Variants in EXTL1 observed in about 807,000 individuals in gnomAD.
EXTL1 encodes exostosin-like 1.
In EXTL1, 43 loss-of-function variants were observed where a neutral mutation model predicts 64.6. The ratio of observed to expected loss-of-function variants is 0.67; its 90% CI spans 0.52 to 0.86. The LOEUF (loss-of-function observed/expected upper bound fraction) is 0.86. Ranked by LOEUF, EXTL1 falls within the 40% of genes least tolerant of loss-of-function variation. The pLI, the probability that EXTL1 is intolerant of heterozygous loss-of-function variation, is 0.00. For synonymous variants in EXTL1, 352 were observed against 360.5 expected (o/e 0.98, Z 0.27); for missense variants, 766 against 879.0 (o/e 0.87, Z 1.62).
Position 26,034,988 on chromosome 1 carries a change from A to C in EXTL1, c.1832A>C (p.Gln611Pro), listed in dbSNP as rs1412904153. 8.1e-6 allele frequency: 13 copies of C among 1,614,040 alleles called. No individual in the cohort carries two copies. The highest frequency in any genetic ancestry group is 1.7e-5 in the Admixed American group (1 of 60,012). The change falls in exon 10 of 11, where the codon CAG (glutamine) becomes CCG (proline). Residue 611 changes from glutamine to proline, a missense_variant. Coordinates refer to ENST00000374280, the MANE Select transcript of EXTL1 (RefSeq NM_004455.3). The surrounding 1 kb of genome is among the most constrained non-coding windows in gnomAD (Gnocchi z 4.6). ...AAGGTGCCCTATGGCAAGCAGCGCC[A>C]GGAGGCTGCTCCACTGGTGAGGGCT... ...PIKVPYGKQRQEAAPLAPGGP... is the reference protein window; with the variant it reads ...PIKVPYGKQRPEAAPLAPGGP...
Position 26,025,163 on chromosome 1 carries a change from C to T in EXTL1, c.779+1738C>T, listed in dbSNP as rs367962268. On this transcript the variant is annotated intron_variant, in intron 1 of 10. Transcript: ENST00000374280. The surrounding 1 kb of genome is among the most constrained non-coding windows in gnomAD (Gnocchi z 5.3). ...TTGAGCCTCAGTTTCTCCGAAGTGC[C>T]GGGCAGCTGCCTGGGCCAGACAGCC... Among the ~76,000 whole-genome samples, 2 of 152,166 alleles carry T rather than the reference C, an allele frequency of 1.3e-5. No homozygotes were observed. Among genetic ancestry groups the T allele is most frequent in the Non-Finnish European group, 2.9e-5 (2 of 68,016 alleles).
chr1:26,024,717 G>A lies in EXTL1; in HGVS notation c.779+1292G>A, dbSNP rs368277719. Reference sequence around the variant, plus strand: ...CAAGCCCCTGCAGCTCAGCGCTCAGGCAGAAGCTCACTTTGAGCGACAAGG... The same window carrying A: ...CAAGCCCCTGCAGCTCAGCGCTCAGACAGAAGCTCACTTTGAGCGACAAGG... On this transcript the variant is annotated intron_variant, in intron 1 of 10. Transcript: ENST00000374280. 5.3e-5 allele frequency among the ~76,000 whole-genome samples: 8 copies of A among 152,306 alleles called. No homozygotes were observed. In the South Asian group the frequency reaches 1.7e-3, roughly 32 times the overall value.
rs1300303078 is a variant in EXTL1 at position 26,022,974 on chromosome 1, A to G, written c.328A>G (p.Thr110Ala). ...VYPAVGTISE[T>A]HRRILASIEG... ...CCCAGCGGTTGGAACCATCTCTGAG[A>G]CTCATCGCAGGATCCTGGCTTCCAT... Residue 110 changes from threonine to alanine, a missense_variant, in exon 1 of 11, where the codon ACT (threonine) becomes GCT (alanine). Coordinates refer to ENST00000374280, the MANE Select transcript of EXTL1 (RefSeq NM_004455.3). The G allele has an allele frequency of 6.2e-7, 1 of 1,614,008 alleles. No individual in the cohort carries two copies. Among genetic ancestry groups the G allele is most frequent in the Admixed American group, 1.7e-5 (1 of 60,022 alleles).
At position 26,023,047 on chromosome 1, in the gene EXTL1, T is replaced by C. The variant is rs774239862; in HGVS notation, c.401T>C (p.Leu134Pro). ...YTFSPAGACLLLLLSLDAQTG... is the reference protein window; with the variant it reads ...YTFSPAGACLPLLLSLDAQTG... ...TTCAGCCCTGCTGGGGCCTGCCTCC[T>C]CCTCCTCCTCAGCCTGGACGCCCAG... is the stretch of plus-strand genomic sequence containing the variant. Residue 134 changes from leucine (L) to proline (P), a missense_variant, in exon 1 of 11, where the codon CTC becomes CCC. Physicochemically the swap from Leu to Pro is moderately conservative, Grantham distance 98. This residue lies in a region of EXTL1 where 571 missense variants were observed against 647.6 expected (regional missense o/e 0.88). Coordinates refer to ENST00000374280, the MANE Select transcript of EXTL1 (RefSeq NM_004455.3). The C allele has an allele frequency of 3.1e-6, 5 of 1,613,772 alleles. No individual in the cohort carries two copies. In the Admixed American group the frequency reaches 8.3e-5, roughly 27 times the overall value.
chr1:26,035,231 G>C lies in EXTL1; in HGVS notation c.1915G>C (p.Ala639Pro), dbSNP rs369736244. The C allele has an allele frequency of 2.5e-6, 4 of 1,613,588 alleles. No homozygotes were observed. The East Asian group carries it at 6.7e-5, about 27-fold the overall frequency. The change falls in exon 11 of 11, where the codon GCG becomes CCG. Residue 639 changes from alanine to proline, a missense_variant. Transcript: ENST00000374280. The surrounding 1 kb of genome is among the most constrained non-coding windows in gnomAD (Gnocchi z 5.3). ...APAPDCINQI[A>P]AAFGHMPLLS... Reference sequence around the variant, plus strand: ...AGCCCCCGACTGCATCAACCAGATAGCGGCAGCGTTCGGCCACATGCCCTT... The same window carrying C: ...AGCCCCCGACTGCATCAACCAGATACCGGCAGCGTTCGGCCACATGCCCTT...
In EXTL1 at chr1:26,023,045, C is replaced by T. The variant is rs1429361011; in HGVS notation, c.399C>T (p.Leu133=). ...FYTFSPAGAC[L]LLLLSLDAQT... is the part of the protein sequence containing the mutation. ...CATTCAGCCCTGCTGGGGCCTGCCT[C>T]CTCCTCCTCCTCAGCCTGGACGCCC... is the stretch of plus-strand genomic sequence containing the variant. Residue 133 remains leucine, a synonymous_variant, in exon 1 of 11, where the codon CTC becomes CTT. Coordinates refer to ENST00000374280, the MANE Select transcript of EXTL1 (RefSeq NM_004455.3). 1.2e-6 allele frequency: 2 copies of T among 1,613,876 alleles called. No individual in the cohort carries two copies. The highest frequency in any genetic ancestry group is 2.2e-5 in the South Asian group (2 of 91,014).
rs1211881608 is a variant in EXTL1 at position 26,035,579 on chromosome 1, G to C, written c.*232G>C. On this transcript the variant is annotated 3_prime_UTR_variant, in exon 11 of 11. Coordinates refer to ENST00000374280, the MANE Select transcript of EXTL1 (RefSeq NM_004455.3). This position sits in a 1 kb window ranked among gnomAD's most constrained non-coding sequence, Gnocchi z 5.3. ...GGCTGAGCCCCGCGACCGGAGCGCC[G>C]CTCTCCGCTTCTCCACCCAGCTAAC... The C allele has an allele frequency of 2.2e-6, 1 of 448,924 alleles. No individual in the cohort carries two copies. The highest frequency in any genetic ancestry group is 4.0e-6 in the Non-Finnish European group (1 of 252,104). 27.8% of individuals were successfully genotyped at this position (448,924 alleles called of 1,614,324 possible). A position where few individuals can be genotyped will look rare whatever the true frequency, so the allele number is the denominator to read the frequency against.
At position 26,025,234 on chromosome 1, in the gene EXTL1, A is replaced by G. The variant is rs1350458830; in HGVS notation, c.779+1809A>G. Among the ~76,000 whole-genome samples the G allele has an allele frequency of 6.6e-6, 1 of 152,204 alleles. No individual in the cohort carries two copies. The highest frequency in any genetic ancestry group is 1.5e-5 in the Non-Finnish European group (1 of 68,036). On this transcript the variant is annotated intron_variant, in intron 1 of 10. Transcript: ENST00000374280. The surrounding 1 kb of genome is among the most constrained non-coding windows in gnomAD (Gnocchi z 5.3). ...TAGCCTGAATAAACAAGTCCTGGCC[A>G]GAGAAAGAGGCCATTCACAGTCCCT...
intron 1 of EXTL1, 46 bp from the exon 2 acceptor site, chr1:26,029,147 C>A: frequency 6.9e-7 from 1 of 1,450,336 alleles, no homozygotes; most frequent in Non-Finnish European, 9.6e-7. Flanking sequence ...GCGAAGGTCA[C>A]TGTCCAGGCT....
Position 26,033,345 on chromosome 1 carries a change from G to A in EXTL1, c.1518+30G>A, listed in dbSNP as rs1353133863. ...GGGCTGGGCCCAAGAGAAGCCCAGT[G>A]TGGGTAGACACAGAGCCAGAGGGCC... On this transcript the variant is annotated intron_variant, in intron 8 of 10. Coordinates refer to ENST00000374280, the MANE Select transcript of EXTL1 (RefSeq NM_004455.3). This position sits in a 1 kb window ranked among gnomAD's most constrained non-coding sequence, Gnocchi z 5.1. 1.9e-6 allele frequency: 3 copies of A among 1,588,346 alleles called. No individual in the cohort carries two copies. Among genetic ancestry groups the A allele is most frequent in the Non-Finnish European group, 2.6e-6 (3 of 1,156,686 alleles).
At chr1:26,024,424 T>C (rs2050193070) in intron 1 of EXTL1, among the ~76,000 whole-genome samples, 1 of 152,206 alleles carries the variant, frequency 6.6e-6, no homozygotes. Flanking sequence ...TCTCTCCCTA[T>C]TCTCTGCTCC....
chr1:26,026,126 C>A (rs1280525954), intron 1 of EXTL1, among the ~76,000 whole-genome samples: 1 of 150,982 alleles, frequency 6.6e-6, no homozygotes, highest in African/African-American at 2.4e-5. Context: ...GTAGTCCCAG[C>A]TACTTGGGAG....
chr1:26,030,050 CAG>C (rs2050265467), intron 3 of EXTL1, among the ~76,000 whole-genome samples: 1 of 152,168 alleles, frequency 6.6e-6, no homozygotes, highest in African/African-American at 2.4e-5. Context: ...AATTCAAACT[CAG>C]AGCGCCTCCA....
In EXTL1 at chr1:26,035,013, T is replaced by G. The variant is rs375630173; in HGVS notation, c.1848+9T>G. 1,439 of 1,613,650 alleles carry G rather than the reference T, an allele frequency of 8.9e-4. 3 individuals are homozygous for G. The highest frequency in any genetic ancestry group is 1.1e-3 in the Admixed American group (66 of 59,988). On this transcript the variant is annotated intron_variant, in intron 10 of 10. Coordinates refer to ENST00000374280, the MANE Select transcript of EXTL1 (RefSeq NM_004455.3). This position sits in a 1 kb window ranked among gnomAD's most constrained non-coding sequence, Gnocchi z 5.3. Reference sequence around the variant, plus strand: ...AGGAGGCTGCTCCACTGGTGAGGGCTGAGGGGGATTGGTCGGAACTGGCAG... The same window carrying G: ...AGGAGGCTGCTCCACTGGTGAGGGCGGAGGGGGATTGGTCGGAACTGGCAG...
In EXTL1 at chr1:26,034,764, T is replaced by C. The variant is rs2050321545; in HGVS notation, c.1680-72T>C. The C allele has an allele frequency of 1.3e-6, 2 of 1,496,230 alleles. No individual in the cohort carries two copies. The highest frequency in any genetic ancestry group is 1.8e-6 in the Non-Finnish European group (2 of 1,088,840). 92.7% of individuals were successfully genotyped at this position (1,496,230 alleles called of 1,614,324 possible). On this transcript the variant is annotated intron_variant, in intron 9 of 10. Coordinates refer to ENST00000374280, the MANE Select transcript of EXTL1 (RefSeq NM_004455.3). The surrounding 1 kb of genome is among the most constrained non-coding windows in gnomAD (Gnocchi z 4.6). ...ATGGGGGTCAAAGGGAGAGGTGAGG[T>C]CAGGAGGGAGGAGAATGGGGCCTGG...
rs969563990 is a variant in EXTL1 at position 26,025,104 on chromosome 1, T to C, written c.779+1679T>C. Among the ~76,000 whole-genome samples, 2 of 152,226 alleles carry C rather than the reference T, an allele frequency of 1.3e-5. No homozygotes were observed. Among genetic ancestry groups the C allele is most frequent in the African/African-American group, 4.8e-5 (2 of 41,460 alleles). On this transcript the variant is annotated intron_variant, in intron 1 of 10. Transcript: ENST00000374280. The surrounding 1 kb of genome is among the most constrained non-coding windows in gnomAD (Gnocchi z 5.3). The stretch of plus-strand genomic sequence containing the variant: ...GTTTTGTCTTTGGCCTCCGCCTCCC[T>C]GAAGGTGACAGGACTTGTCATCTCT...
rs2050306722 is a variant in EXTL1 at position 26,033,210 on chromosome 1, C to T, written c.1432-19C>T. 1 of 1,578,536 alleles carries T rather than the reference C, an allele frequency of 6.3e-7. No homozygotes were observed. The highest frequency in any genetic ancestry group is 1.3e-5 in the African/African-American group (1 of 74,206). ...GGGAATGTTCCAATGGCTGAGTTCCCCTCCCCCACTCCCTGCAGGTTAGTG... is the reference window on the plus strand; with the variant it reads ...GGGAATGTTCCAATGGCTGAGTTCCTCTCCCCCACTCCCTGCAGGTTAGTG... On this transcript the variant is annotated intron_variant, in intron 7 of 10. Coordinates refer to ENST00000374280, the MANE Select transcript of EXTL1 (RefSeq NM_004455.3). This position sits in a 1 kb window ranked among gnomAD's most constrained non-coding sequence, Gnocchi z 5.1.
In EXTL1 at chr1:26,025,209, T is replaced by C. The variant is rs2050201385; in HGVS notation, c.779+1784T>C. ...CAGCCTAGGGACAGAGTGAGAGAGA[T>C]AGCCTGAATAAACAAGTCCTGGCCA... On this transcript the variant is annotated intron_variant, in intron 1 of 10. Transcript: ENST00000374280. The surrounding 1 kb of genome is among the most constrained non-coding windows in gnomAD (Gnocchi z 5.3). Among the ~76,000 whole-genome samples, 2 of 152,202 alleles carry C rather than the reference T, an allele frequency of 1.3e-5. No homozygotes were observed. The highest frequency in any genetic ancestry group is 2.1e-4 in the South Asian group (1 of 4,818).
chr1:26,024,525 C>T (rs960861082), intron 1 of EXTL1, among the ~76,000 whole-genome samples: 3 of 152,098 alleles, frequency 2.0e-5, no homozygotes, highest in Non-Finnish European at 2.9e-5. Flanking sequence ...AAAGGGCTCT[C>T]GTGGGAATGG....
Sources: gnomAD v4.1 joint callset for allele counts (sites outside exome capture counted in the v4.1 genomes callset) on GRCh38, gnomAD v4.1.1 for gene constraint, gnomAD v4.1.1 regional missense constraint, Gnocchi (gnomAD v3.1) non-coding constraint, MANE v1.5 for transcripts, NCBI Gene and HGNC (gene_info 2026-07-23, HGNC 2026-07-21) for gene names.